The following JPH3 variants were observed in gnomAD, a reference collection of about 807,000 sequenced individuals.
JPH3 encodes junctophilin 3.
Under a neutral mutation model 59.6 loss-of-function variants are expected in JPH3, and 11 were observed. The ratio of observed to expected loss-of-function variants is 0.18; its 90% CI spans 0.12 to 0.31. The LOEUF (loss-of-function observed/expected upper bound fraction) is 0.31, where lower values mean the gene tolerates loss of function less well. Ranked by LOEUF, JPH3 falls within the 10% of genes least tolerant of loss-of-function variation. The pLI is 1.00. For missense variants in JPH3, 1,202 were observed against 1,105.7 expected, an observed-to-expected ratio of 1.09 and a Z score of -1.24; for synonymous variants, 673 against 483.6, an observed-to-expected ratio of 1.39 and a Z score of -5.14.
At chr16:87,665,698 C>A (rs1051861890) in intron 2 of JPH3, among the ~76,000 whole-genome samples, 2 of 152,240 alleles carry the variant, frequency 1.3e-5, no homozygotes, top group African/African-American at 4.8e-5. Context: ...AACCACGGCT[C>A]AGCATGGTCT....
At chr16:87,670,654 G>T (rs1030152229) in intron 2 of JPH3, among the ~76,000 whole-genome samples, 6 of 152,258 alleles carry the variant, frequency 3.9e-5, no homozygotes, top group Non-Finnish European at 5.9e-5. Context: ...TGGGACGCAG[G>T]GTACCGCACA....
At chr16:87,689,561 T>A in intron 3 of JPH3, 85 bp from the exon 4 acceptor site, 1 of 1,445,798 alleles carries the variant, frequency 6.9e-7, no homozygotes, top group Non-Finnish European at 9.5e-7. Flanking sequence ...TGAGGTTCCC[T>A]CTGGCGCCCT....
chr16:87,605,283 C>T lies in JPH3; in HGVS notation c.382+1755C>T, dbSNP rs577349688. Among the ~76,000 whole-genome samples, 696 of 152,368 alleles carry T rather than the reference C, an allele frequency of 4.6e-3. 10 individuals carry two copies. The highest frequency in any genetic ancestry group is 4.7e-3 in the Non-Finnish European group (322 of 68,028). On this transcript the variant is annotated intron_variant, in intron 1 of 4. Coordinates refer to ENST00000284262, the MANE Select transcript of JPH3 (RefSeq NM_020655.4). ...TGGGGGTGAGGCTGAGCACCCCACT[C>T]TGCCCACGCTCCTCAGACATCTCCA...
chr16:87,657,262 C>T (rs969081128), intron 2 of JPH3, among the ~76,000 whole-genome samples: 10 of 152,186 alleles, frequency 6.6e-5, no homozygotes, highest in Non-Finnish European at 1.0e-4. Context: ...ACACCTGCCA[C>T]GGCATGAATG....
At chr16:87,678,352 A>G (rs2033201703) in intron 2 of JPH3, among the ~76,000 whole-genome samples, 1 of 152,146 alleles carries the variant, frequency 6.6e-6, no homozygotes, top group Non-Finnish European at 1.5e-5. Flanking sequence ...CAGCCTGGCC[A>G]ACATGACAAA....
intron 2 of JPH3, among the ~76,000 whole-genome samples, chr16:87,665,014 T>A (rs748891034): frequency 2.0e-5 from 3 of 152,238 alleles, no homozygotes; most frequent in Non-Finnish European, 4.4e-5. Flanking sequence ...ACCATCTGTT[T>A]GCTCCCGTTT....
At chr16:87,604,691 ACCTGCT>A in intron 1 of JPH3, 1 of 1,137,430 alleles carries the variant, frequency 8.8e-7, no homozygotes, top group East Asian at 6.2e-5. Flanking sequence ...AGCTCGGAAC[ACCTGCT>A]CCACGGCCAC....
At chr16:87,623,093 C>T (rs942571324) in intron 1 of JPH3, among the ~76,000 whole-genome samples, 1 of 152,190 alleles carries the variant, frequency 6.6e-6, no homozygotes, top group African/African-American at 2.4e-5. Context: ...GCAGTGGGGG[C>T]CTCAATGGAG....
intron 2 of JPH3, among the ~76,000 whole-genome samples, chr16:87,662,079 C>A (rs960624907): frequency 1.3e-5 from 2 of 152,204 alleles, no homozygotes; most frequent in African/African-American, 4.8e-5. Context: ...TCCCTTGTAA[C>A]CCCTCACCTT....
At chr16:87,647,991 G>T (rs537989815) in intron 2 of JPH3, among the ~76,000 whole-genome samples, 8 of 152,200 alleles carry the variant, frequency 5.3e-5, no homozygotes, top group Admixed American at 2.0e-4. Flanking sequence ...AAGGGGGGCG[G>T]GGCTCCCTGC....
intron 2 of JPH3, among the ~76,000 whole-genome samples, chr16:87,681,669 TGA>T (rs2033299013): frequency 6.6e-6 from 1 of 152,022 alleles, no homozygotes; most frequent in African/African-American, 2.4e-5. Flanking sequence ...CGCGCGGTGG[TGA>T]CAGTTCCGGG....
intron 3 of JPH3, among the ~76,000 whole-genome samples, chr16:87,685,576 G>T (rs1424617306): frequency 6.6e-6 from 1 of 152,278 alleles, no homozygotes. Flanking sequence ...AGTGGGTGCA[G>T]TGCTGCGGGA....
At chr16:87,644,148 AAAC>A (rs1169735061) in intron 1 of JPH3, 107 bp from the exon 2 acceptor site, 1 of 1,216,998 alleles carries the variant, frequency 8.2e-7, no homozygotes, top group Non-Finnish European at 1.2e-6. Flanking sequence ...AAAAAACACA[AAAC>A]AACAGGAAGC....
At chr16:87,693,188 T>A (rs1004585764) in intron 4 of JPH3, among the ~76,000 whole-genome samples, 1 of 152,228 alleles carries the variant, frequency 6.6e-6, no homozygotes, top group Admixed American at 6.5e-5. Flanking sequence ...TCCACTTCCA[T>A]CTGCGCCTCA....
rs140719886 is a variant in JPH3 at position 87,607,801 on chromosome 16, G to A, written c.382+4273G>A. Among the ~76,000 whole-genome samples the A allele has an allele frequency of 6.4e-4, 97 of 152,306 alleles. 4 individuals are homozygous for A. The East Asian group carries it at 0.018, about 28-fold the overall frequency. On this transcript the variant is annotated intron_variant, in intron 1 of 4. Transcript: ENST00000284262. ...TAGAAGGAATCAGGTTCATTGGTGCGGAGATTATGCCAACAGAAACTCATT... is the reference window on the plus strand; with the variant it reads ...TAGAAGGAATCAGGTTCATTGGTGCAGAGATTATGCCAACAGAAACTCATT...
chr16:87,642,063 C>G (rs1300557950), intron 1 of JPH3, among the ~76,000 whole-genome samples: 1 of 152,018 alleles, frequency 6.6e-6, no homozygotes, highest in Non-Finnish European at 1.5e-5. Flanking sequence ...TGAACAGAGC[C>G]TTGGACAGAA....
Position 87,689,986 on chromosome 16 carries a change from C to G in JPH3, c.1626C>G (p.Val542=). ...AGCAGGCCGGGGGCTCCAGGGGTGTCCGCAGCGGTGCCCTGCGCGGCGGCC... is the reference window on the plus strand; with the variant it reads ...AGCAGGCCGGGGGCTCCAGGGGTGTGCGCAGCGGTGCCCTGCGCGGCGGCC... The part of the protein sequence containing the change: ...GEEQAGGSRG[V]RSGALRGGLL... The change falls in exon 4 of 5, where the codon GTC becomes GTG. Residue 542 remains valine (V), a synonymous_variant. Coordinates refer to ENST00000284262, the MANE Select transcript of JPH3 (RefSeq NM_020655.4). 1 of 1,480,746 alleles carries G rather than the reference C, an allele frequency of 6.8e-7. No homozygotes were observed. The highest frequency in any genetic ancestry group is 9.0e-7 in the Non-Finnish European group (1 of 1,116,952). 91.7% of individuals were successfully genotyped at this position (1,480,746 alleles called of 1,614,324 possible). A position where few individuals can be genotyped will look rare whatever the true frequency, so the allele number is the denominator to read the frequency against.
At chr16:87,662,909 T>G (rs2032750885) in intron 2 of JPH3, among the ~76,000 whole-genome samples, 1 of 152,178 alleles carries the variant, frequency 6.6e-6, no homozygotes. Context: ...ACCGGCTCCT[T>G]TCACGGACTT....
chr16:87,670,408 G>T (rs1289776576), intron 2 of JPH3, among the ~76,000 whole-genome samples: 1 of 152,196 alleles, frequency 6.6e-6, no homozygotes, highest in East Asian at 1.9e-4. Flanking sequence ...GCTCCCTGTG[G>T]TCCAGCCTGG....
Sources: allele counts gnomAD v4.1 joint callset (sites outside exome capture counted in the v4.1 genomes callset), GRCh38; gene constraint gnomAD v4.1.1; transcripts MANE v1.5; gene names NCBI Gene and HGNC (gene_info 2026-07-23, HGNC 2026-07-21).